Variants in CRADD observed in about 807,000 individuals in gnomAD.
CRADD encodes CARD and death domain containing adaptor protein.
Under a neutral mutation model 15.5 loss-of-function variants are expected in CRADD, and 9 were observed. That is an observed-to-expected ratio of 0.58 (90% CI 0.35 to 1.01). The LOEUF is 1.01. CRADD is among the 50% of genes least tolerant of loss of function. The probability of loss-of-function intolerance (pLI) is 0.02; values close to 1 mark genes in which losing one functional copy is unlikely to be tolerated. For missense variants in CRADD, 227 were observed against 250.3 expected (o/e 0.91, Z 0.63); for synonymous variants, 118 against 107.6 (o/e 1.10, Z -0.60).
chr12:93,742,916 C>T (rs1956698982), intron 2 of CRADD, among the ~76,000 whole-genome samples: 1 of 152,108 alleles, frequency 6.6e-6, no homozygotes, highest in Non-Finnish European at 1.5e-5. Context: ...CCCTCCCATT[C>T]TCATCTTCCG....
intron 2 of CRADD, among the ~76,000 whole-genome samples, chr12:93,809,590 C>G (rs1421558494): frequency 6.6e-6 from 1 of 152,190 alleles, no homozygotes; most frequent in East Asian, 1.9e-4. Context: ...AGGACCATGC[C>G]TCCCCAGTGC....
intron 2 of CRADD, among the ~76,000 whole-genome samples, chr12:93,807,283 C>T (rs192884649): frequency 5.3e-5 from 8 of 152,114 alleles, no homozygotes; most frequent in Admixed American, 5.3e-4. Flanking sequence ...CAATAAATAC[C>T]TTTTCATAGG....
intron 2 of CRADD, among the ~76,000 whole-genome samples, chr12:93,843,596 T>A (rs927869948): frequency 6.6e-6 from 1 of 152,054 alleles, no homozygotes; most frequent in Non-Finnish European, 1.5e-5. Context: ...GCCAGGCTGG[T>A]CTCGAACTCC....
At chr12:93,823,829 G>A (rs1311432900) in intron 2 of CRADD, among the ~76,000 whole-genome samples, 1 of 152,158 alleles carries the variant, frequency 6.6e-6, no homozygotes, top group African/African-American at 2.4e-5. Context: ...CAAGGCTGTT[G>A]GAATGGAGAA....
chr12:93,710,802 G>A (rs1007308446), intron 2 of CRADD, among the ~76,000 whole-genome samples: 1 of 152,132 alleles, frequency 6.6e-6, no homozygotes, highest in Non-Finnish European at 1.5e-5. Context: ...ACAGGGATAG[G>A]AAGAATGATT....
At chr12:93,807,462 C>T (rs1957552083) in intron 2 of CRADD, among the ~76,000 whole-genome samples, 1 of 152,070 alleles carries the variant, frequency 6.6e-6, no homozygotes, top group African/African-American at 2.4e-5. Context: ...TTTCAAGCTG[C>T]TGGATCAAGA....
At chr12:93,875,811 A>G (rs1488625109) in intron 2 of CRADD, among the ~76,000 whole-genome samples, 4 of 152,060 alleles carry the variant, frequency 2.6e-5, no homozygotes, top group Non-Finnish European at 5.9e-5. Flanking sequence ...TTGGTTCATC[A>G]TTTAGTCTTT....
At chr12:93,705,864 T>TAA (rs1955938058) in intron 2 of CRADD, among the ~76,000 whole-genome samples, 1 of 152,256 alleles carries the variant, frequency 6.6e-6, no homozygotes, top group African/African-American at 2.4e-5. Context: ...TTTTGCTTTT[T>TAA]AAGCAGTTTT....
At chr12:93,892,625 G>GCCTTGTGA (rs1958584252) in intron 2 of CRADD, among the ~76,000 whole-genome samples, 1 of 152,130 alleles carries the variant, frequency 6.6e-6, no homozygotes, top group Non-Finnish European at 1.5e-5. Context: ...GGCACGTTGG[G>GCCTTGTGA]TGCCAGGACA....
At chr12:93,798,050 C>T (rs933076660) in intron 2 of CRADD, among the ~76,000 whole-genome samples, 4 of 152,214 alleles carry the variant, frequency 2.6e-5, no homozygotes, top group African/African-American at 7.2e-5. Flanking sequence ...ATCATTTAAG[C>T]CTCAGTTGAA....
intron 2 of CRADD, among the ~76,000 whole-genome samples, chr12:93,856,398 G>A (rs1365529425): frequency 6.6e-6 from 1 of 152,186 alleles, no homozygotes; most frequent in East Asian, 1.9e-4. Context: ...AGATGAATAA[G>A]CCATAGTCTC....
intron 2 of CRADD, among the ~76,000 whole-genome samples, chr12:93,796,483 TA>T (rs1227442762): frequency 6.6e-6 from 1 of 151,380 alleles, no homozygotes. Context: ...TGGGCACTTG[TA>T]ATCCCAGCTA....
chr12:93,694,202 GA>G (rs1955643200), intron 2 of CRADD, among the ~76,000 whole-genome samples: 1 of 151,912 alleles, frequency 6.6e-6, no homozygotes, highest in Non-Finnish European at 1.5e-5. Context: ...CACATTAACA[GA>G]ATGAAGGACA....
At chr12:93,792,633 A>G (rs1192057036) in intron 2 of CRADD, among the ~76,000 whole-genome samples, 9 of 152,206 alleles carry the variant, frequency 5.9e-5, no homozygotes, top group African/African-American at 1.2e-4. Flanking sequence ...AATATTTTCT[A>G]TGGAAAAATA....
chr12:93,696,223 C>T (rs144573316), intron 2 of CRADD, among the ~76,000 whole-genome samples: 3,846 of 152,236 alleles, frequency 0.025, 82 homozygotes, highest in Non-Finnish European at 0.037. Flanking sequence ...TCTTAGCAAT[C>T]CCACTACTGG....
At chr12:93,859,121 T>C (rs1958298699) in intron 2 of CRADD, among the ~76,000 whole-genome samples, 1 of 152,362 alleles carries the variant, frequency 6.6e-6, no homozygotes, top group South Asian at 2.1e-4. Flanking sequence ...CAGTGGGGCA[T>C]ATGCTTCCAT....
At chr12:93,737,271 A>G (rs1956587972) in intron 2 of CRADD, among the ~76,000 whole-genome samples, 1 of 152,228 alleles carries the variant, frequency 6.6e-6, no homozygotes, top group East Asian at 1.9e-4. Flanking sequence ...AGATCTGACA[A>G]TGCCAAGGTA....
chr12:93,723,930 T>G (rs1956308388), intron 2 of CRADD, among the ~76,000 whole-genome samples: 1 of 152,212 alleles, frequency 6.6e-6, no homozygotes, highest in Non-Finnish European at 1.5e-5. Flanking sequence ...CCAGGCCCGT[T>G]AGGCTGTGGG....
chr12:93,806,531 C>G (rs1164479500), intron 2 of CRADD, among the ~76,000 whole-genome samples: 2 of 150,300 alleles, frequency 1.3e-5, no homozygotes, highest in Non-Finnish European at 3.0e-5. Context: ...CTTCTGGTGG[C>G]TTGGACATTA....
Sources: allele counts gnomAD v4.1 joint callset (sites outside exome capture counted in the v4.1 genomes callset), GRCh38; gene constraint gnomAD v4.1.1; transcripts MANE v1.5; gene names NCBI Gene and HGNC (gene_info 2026-07-23, HGNC 2026-07-21).